BEND3: variants seen among roughly 807,000 people sequenced by gnomAD.
BEND3 encodes BEN domain containing 3.
BEND3 carries 13 observed loss-of-function variants against 60.1 expected under a neutral mutation model. The ratio of observed to expected loss-of-function variants is 0.22; its 90% CI spans 0.14 to 0.34. BEND3 has a LOEUF of 0.34. Ranked by LOEUF, BEND3 falls within the 10% of genes least tolerant of loss-of-function variation. The pLI, the probability that BEND3 is intolerant of heterozygous loss-of-function variation, is 1.00. For missense variants in BEND3, 896 were observed against 1,138.1 expected (o/e 0.79, Z 3.06); for synonymous variants, 497 against 491.5 (o/e 1.01, Z -0.15).
intron 1 of BEND3, among the ~76,000 whole-genome samples, chr6:107,109,774 T>C (rs1359866827): frequency 6.6e-6 from 1 of 151,962 alleles, no homozygotes; most frequent in African/African-American, 2.4e-5. Context: ...CTCAGGAGGC[T>C]GAGGCAGGAG....
In BEND3 at chr6:107,067,857, C is replaced by G. The variant is rs1266406091; in HGVS notation, c.*847G>C. 2 of 152,270 alleles carry G rather than the reference C, an allele frequency of 1.3e-5. No homozygotes were observed. The highest frequency in any genetic ancestry group is 4.8e-5 in the African/African-American group (2 of 41,464). The allele number at this position is 152,270 out of a possible 1,614,324, so 9.4% of individuals were successfully genotyped here. The stretch of plus-strand genomic sequence containing the variant: ...TCCAAGGAAACATGTCCACTCCCTC[C>G]AACCAGCAACCATGTATGGAGAAGG... On this transcript the variant is annotated 3_prime_UTR_variant, in exon 4 of 4. Transcript: ENST00000369042.
intron 1 of BEND3, among the ~76,000 whole-genome samples, chr6:107,110,634 C>T (rs782581101): frequency 6.6e-5 from 10 of 152,210 alleles, no homozygotes; most frequent in Non-Finnish European, 1.0e-4. Context: ...GATCTTGGCT[C>T]ACTGCAGCCT....
chr6:107,086,160 A>G (rs1056416715), intron 3 of BEND3, among the ~76,000 whole-genome samples: 8 of 152,114 alleles, frequency 5.3e-5, no homozygotes, highest in Admixed American at 5.2e-4. Flanking sequence ...GTTTTATCAG[A>G]GCCTAACTGA....
intron 3 of BEND3, among the ~76,000 whole-genome samples, chr6:107,087,877 C>T (rs1775388865): frequency 1.4e-5 from 2 of 147,694 alleles, no homozygotes; most frequent in Admixed American, 1.4e-4. Context: ...ATGATCCTCC[C>T]ACCTCAGCCT....
chr6:107,080,363 A>C (rs1338356353), intron 3 of BEND3, among the ~76,000 whole-genome samples: 4 of 147,976 alleles, frequency 2.7e-5, no homozygotes, highest in East Asian at 2.0e-4. Context: ...TCAAAAAAAA[A>C]AAAAAAAAAA....
chr6:107,114,278 G>C lies in BEND3; in HGVS notation c.-12+812C>G, dbSNP rs968537549. 4.6e-5 allele frequency: 7 copies of C among 152,260 alleles called. No individual in the cohort carries two copies. In the East Asian group the frequency reaches 1.4e-3, roughly 30 times the overall value. 9.4% of individuals were successfully genotyped at this position (152,260 alleles called of 1,614,324 possible). On this transcript the variant is annotated intron_variant, in intron 1 of 3. Transcript: ENST00000369042. The stretch of plus-strand genomic sequence containing the variant: ...CTCACGAGGAGCGGCGAGCGCCCCA[G>C]GCTTCAGCTTTGCGGCCGGCCGGCC...
chr6:107,078,144 G>A (rs1420858248), intron 3 of BEND3, among the ~76,000 whole-genome samples: 3 of 152,162 alleles, frequency 2.0e-5, no homozygotes, highest in African/African-American at 7.2e-5. Flanking sequence ...TTTTGAGGGA[G>A]GTTTTTTCTT....
chr6:107,103,959 A>AAAAGAAAGAAAG (rs377110388), intron 1 of BEND3, among the ~76,000 whole-genome samples: 403 of 107,858 alleles, frequency 3.7e-3, no homozygotes, highest in Middle Eastern at 5.8e-3. Flanking sequence ...AAAAAAAAAA[A>AAAAGAAAGAAAG]AAAGAAAGAA....
At chr6:107,100,013 G>A (rs1775672307) in intron 1 of BEND3, among the ~76,000 whole-genome samples, 1 of 151,982 alleles carries the variant, frequency 6.6e-6, no homozygotes, top group Non-Finnish European at 1.5e-5. Flanking sequence ...AGGACTACAG[G>A]TACCACATGC....
chr6:107,115,206 G>C lies in BEND3; in HGVS notation c.-128C>G, dbSNP rs1554239139. On this transcript the variant is annotated 5_prime_UTR_variant, in exon 1 of 4. Transcript: ENST00000369042. ...CGCGCGCGGAGGGCCTGGCCAGGGC[G>C]GCCCGGGGAGGCGCTGGGGGCGGCG... is the stretch of plus-strand genomic sequence containing the variant. The C allele has an allele frequency of 1.3e-5, 2 of 150,088 alleles. No individual in the cohort carries two copies. Among genetic ancestry groups the C allele is most frequent in the Non-Finnish European group, 3.0e-5 (2 of 67,182 alleles). The allele number at this position is 150,088 out of a possible 1,614,324, so 9.3% of individuals were successfully genotyped here.
intron 3 of BEND3, among the ~76,000 whole-genome samples, chr6:107,096,201 A>G (rs893186130): frequency 6.6e-6 from 1 of 152,236 alleles, no homozygotes; most frequent in Non-Finnish European, 1.5e-5. Context: ...TCTATAAAAT[A>G]AAGTCTGTTA....
chr6:107,103,817 G>A (rs960165804), intron 1 of BEND3, among the ~76,000 whole-genome samples: 7 of 151,940 alleles, frequency 4.6e-5, no homozygotes, highest in African/African-American at 9.7e-5. Flanking sequence ...GCATGGTGGC[G>A]CGTGCCTGTA....
intron 3 of BEND3, among the ~76,000 whole-genome samples, chr6:107,076,599 C>A (rs1427930510): frequency 6.6e-6 from 1 of 152,124 alleles, no homozygotes; most frequent in Non-Finnish European, 1.5e-5. Context: ...TGCTAGACGT[C>A]TTCATCGCAA....
chr6:107,066,008 T>C lies in BEND3; in HGVS notation c.*2696A>G, dbSNP rs1554230751. On this transcript the variant is annotated 3_prime_UTR_variant, in exon 4 of 4. Transcript: ENST00000369042. ...CTTTAAAAACTTACAGAGAAATCAA[T>C]GAAGACTACCACCTACTGTGACTTA... 6.7e-6 allele frequency: 1 copy of C among 150,294 alleles called. No homozygotes were observed. The highest frequency in any genetic ancestry group is 2.5e-5 in the African/African-American group (1 of 40,618). 9.3% of individuals were successfully genotyped at this position (150,294 alleles called of 1,614,324 possible). A position where few individuals can be genotyped will look rare whatever the true frequency, so the allele number is the denominator to read the frequency against.
intron 1 of BEND3, among the ~76,000 whole-genome samples, chr6:107,111,530 G>A (rs1157483593): frequency 6.7e-6 from 1 of 149,446 alleles, no homozygotes; most frequent in Admixed American, 6.7e-5. Flanking sequence ...AAAAGAGAGA[G>A]ATAACACATA....
intron 3 of BEND3, among the ~76,000 whole-genome samples, chr6:107,082,245 G>A (rs1471812415): frequency 6.6e-6 from 1 of 152,028 alleles, no homozygotes; most frequent in Non-Finnish European, 1.5e-5. Context: ...AGTAAGCCTG[G>A]ACTAGCTCCC....
rs1193573058 is a variant in BEND3 at position 107,068,406 on chromosome 6, ACC to A, written c.*296_*297del. 3.0e-6 allele frequency: 1 copy of A among 328,200 alleles called. No homozygotes were observed. The highest frequency in any genetic ancestry group is 5.5e-6 in the Non-Finnish European group (1 of 180,746). The allele number at this position is 328,200 out of a possible 1,614,324, so 20.3% of individuals were successfully genotyped here. A position where few individuals can be genotyped will look rare whatever the true frequency, so the allele number is the denominator to read the frequency against. Reference sequence around the variant, plus strand: ...GCTGTGAGGGGCTGGGGAGGGCACAACCAGGGAGAGAGGACCCCTAACCTCTG... The same window carrying A: ...GCTGTGAGGGGCTGGGGAGGGCACAAAGGGAGAGAGGACCCCTAACCTCTG... On this transcript the variant is annotated 3_prime_UTR_variant, in exon 4 of 4. Coordinates refer to ENST00000369042, the MANE Select transcript of BEND3 (RefSeq NM_001367314.1). The surrounding 1 kb of genome is among the most constrained non-coding windows in gnomAD (Gnocchi z 5.8).
At chr6:107,083,420 G>A (rs1775273133) in intron 3 of BEND3, among the ~76,000 whole-genome samples, 1 of 152,020 alleles carries the variant, frequency 6.6e-6, no homozygotes. Context: ...AGGAGTCCCA[G>A]ACCAGCCTGG....
chr6:107,075,684 C>A (rs1463027999), intron 3 of BEND3, among the ~76,000 whole-genome samples: 2 of 152,124 alleles, frequency 1.3e-5, no homozygotes, highest in Admixed American at 6.6e-5. Flanking sequence ...AAATAAGGTT[C>A]CATTAGCACA....
Sources: allele counts gnomAD v4.1 joint callset (sites outside exome capture counted in the v4.1 genomes callset), GRCh38; gene constraint gnomAD v4.1.1; non-coding constraint Gnocchi (gnomAD v3.1); transcripts MANE v1.5; gene names NCBI Gene and HGNC (gene_info 2026-07-23, HGNC 2026-07-21).